FBLN5: variants seen among roughly 807,000 people sequenced by gnomAD.
The protein encoded by FBLN5 is fibulin-5.
A neutral mutation model predicts 61.6 loss-of-function variants in FBLN5; 24 were observed. The ratio of observed to expected loss-of-function variants is 0.39; its 90% CI spans 0.28 to 0.55. The LOEUF is 0.55. Among genes scored for constraint, FBLN5 ranks in the 20% least tolerant of loss-of-function variants. The pLI is 0.65. For missense variants in FBLN5, 470 were observed against 594.1 expected, an observed-to-expected ratio of 0.79 and a Z score of 2.17; for synonymous variants, 213 against 219.8, an observed-to-expected ratio of 0.97 and a Z score of 0.27.
At chr14:91,887,971 T>C (rs551136116) in intron 6 of FBLN5, among the ~76,000 whole-genome samples, 1 of 152,278 alleles carries the variant, frequency 6.6e-6, no homozygotes, top group Admixed American at 6.5e-5. Flanking sequence ...TGCAGTTTAT[T>C]ATACACTGAC....
chr14:91,882,941 C>T lies in FBLN5; in HGVS notation c.862+13G>A, dbSNP rs374396315. The T allele has an allele frequency of 1.1e-5, 18 of 1,613,176 alleles. No homozygotes were observed. The highest frequency in any genetic ancestry group is 2.7e-5 in the African/African-American group (2 of 74,902). On this transcript the variant is annotated intron_variant, in intron 8 of 10. Coordinates refer to ENST00000342058, the MANE Select transcript of FBLN5 (RefSeq NM_006329.4). This position sits in a 1 kb window ranked among gnomAD's most constrained non-coding sequence, Gnocchi z 4.9. The stretch of plus-strand genomic sequence containing the variant: ...CACATACACCCCAGCCAGGCCCCTC[C>T]GGACAGCCTTACCTTGGCAGCTTCG...
intron 8 of FBLN5, among the ~76,000 whole-genome samples, chr14:91,881,968 T>C (rs553464454): frequency 1.3e-5 from 2 of 151,922 alleles, no homozygotes; most frequent in Admixed American, 6.6e-5. Flanking sequence ...TAGCCTGGCA[T>C]GGTGGCATGC....
At chr14:91,934,342 C>T (rs1384951825) in intron 4 of FBLN5, among the ~76,000 whole-genome samples, 3 of 152,204 alleles carry the variant, frequency 2.0e-5, no homozygotes, top group African/African-American at 7.2e-5. Flanking sequence ...CGGCCCCTCA[C>T]TTGCTGTGTG....
chr14:91,907,780 C>T (rs750499257), intron 4 of FBLN5, among the ~76,000 whole-genome samples: 1 of 151,992 alleles, frequency 6.6e-6, no homozygotes, highest in Admixed American at 6.6e-5. Context: ...CACAGCCATC[C>T]TCTCCTGCAT....
At chr14:91,932,175 T>A (rs924494314) in intron 4 of FBLN5, among the ~76,000 whole-genome samples, 1 of 152,194 alleles carries the variant, frequency 6.6e-6, no homozygotes, top group African/African-American at 2.4e-5. Flanking sequence ...TAATGAGCCA[T>A]GAGTCCCATC....
chr14:91,877,007 G>A (rs181479308), intron 10 of FBLN5, among the ~76,000 whole-genome samples: 17 of 152,052 alleles, frequency 1.1e-4, no homozygotes, highest in Middle Eastern at 3.4e-3. Context: ...CACCATGACC[G>A]GCTAACTTTT....
chr14:91,933,235 G>C (rs771745674), intron 4 of FBLN5, among the ~76,000 whole-genome samples: 3 of 152,216 alleles, frequency 2.0e-5, no homozygotes, highest in Non-Finnish European at 4.4e-5. Context: ...ACTTCTGTAG[G>C]TTTGATAATG....
At chr14:91,888,981 A>T (rs1889859940) in intron 6 of FBLN5, among the ~76,000 whole-genome samples, 1 of 152,202 alleles carries the variant, frequency 6.6e-6, no homozygotes, top group Non-Finnish European at 1.5e-5. Context: ...TTCAGAGCTA[A>T]AAGCCTTCAC....
intron 4 of FBLN5, among the ~76,000 whole-genome samples, chr14:91,906,564 A>C (rs1365832479): frequency 6.6e-6 from 1 of 152,268 alleles, no homozygotes; most frequent in Non-Finnish European, 1.5e-5. Flanking sequence ...GGTAAGAGAT[A>C]CAATGACATG....
At chr14:91,915,686 C>CAAAAAAAAAAAAAAAAA (rs34675184) in intron 4 of FBLN5, among the ~76,000 whole-genome samples, 1 of 43,736 alleles carries the variant, frequency 2.3e-5, no homozygotes, top group Non-Finnish European at 4.0e-5. Flanking sequence ...GACTCCATCT[C>CAAAAAAAAAAAAAAAAA]AAAAAAAAAA....
At chr14:91,944,547 C>T (rs956994377) in intron 1 of FBLN5, among the ~76,000 whole-genome samples, 2 of 152,204 alleles carry the variant, frequency 1.3e-5, no homozygotes, top group Non-Finnish European at 2.9e-5. Flanking sequence ...TAAAGGTGGA[C>T]GCAGTCCTTC....
At chr14:91,880,526 C>CGTGT (rs140201135) in intron 9 of FBLN5, among the ~76,000 whole-genome samples, 16,627 of 147,406 alleles carry the variant, frequency 0.11, 979 homozygotes, top group Middle Eastern at 0.17. Flanking sequence ...AGTGTGCGTG[C>CGTGT]GTGTGTGTGT....
chr14:91,895,210 T>G, intron 4 of FBLN5, 138 bp from the exon 5 acceptor site: 1 of 946,602 alleles, frequency 1.1e-6, no homozygotes. Context: ...GTGGCAGTGC[T>G]TCCCCGATGG....
intron 10 of FBLN5, among the ~76,000 whole-genome samples, chr14:91,872,649 C>T (rs914348581): frequency 9.2e-5 from 14 of 152,176 alleles, no homozygotes; most frequent in African/African-American, 1.9e-4. Context: ...ATGAGGCTAT[C>T]GGCAGCCTGA....
chr14:91,918,001 T>A (rs1017069776), intron 4 of FBLN5, among the ~76,000 whole-genome samples: 2 of 152,166 alleles, frequency 1.3e-5, no homozygotes, highest in Non-Finnish European at 2.9e-5. Context: ...CTGAAGCCCC[T>A]GCCCCCCAAC....
chr14:91,872,639 A>G (rs1187752240), intron 10 of FBLN5, among the ~76,000 whole-genome samples: 2 of 152,170 alleles, frequency 1.3e-5, no homozygotes, highest in African/African-American at 2.4e-5. Flanking sequence ...TCCCCTATCC[A>G]TGAGGCTATC....
chr14:91,893,458 C>T (rs1890080978), intron 5 of FBLN5, among the ~76,000 whole-genome samples: 1 of 152,184 alleles, frequency 6.6e-6, no homozygotes, highest in Non-Finnish European at 1.5e-5. Context: ...GAGGGCAGAC[C>T]TACTCAGCCT....
At chr14:91,923,124 AGCCTCACAGATAATG>A (rs1242443776) in intron 4 of FBLN5, among the ~76,000 whole-genome samples, 1 of 152,190 alleles carries the variant, frequency 6.6e-6, no homozygotes, top group African/African-American at 2.4e-5. Context: ...GGCTGGAGGA[AGCCTCACAGATAATG>A]GCCCAGCCCC....
chr14:91,891,936 C>G (rs1482750700), intron 5 of FBLN5, among the ~76,000 whole-genome samples: 1 of 152,194 alleles, frequency 6.6e-6, no homozygotes, highest in Non-Finnish European at 1.5e-5. Flanking sequence ...CCTGGAGACC[C>G]ATGAATCCAG....
Sources: gnomAD v4.1 joint callset for allele counts (sites outside exome capture counted in the v4.1 genomes callset) on GRCh38, gnomAD v4.1.1 for gene constraint, Gnocchi (gnomAD v3.1) non-coding constraint, MANE v1.5 for transcripts, NCBI Gene and HGNC (gene_info 2026-07-23, HGNC 2026-07-21) for gene names.